Variants in VAV3 observed in about 807,000 individuals in gnomAD.
VAV3 encodes guanine nucleotide exchange factor VAV3.
A neutral mutation model predicts 131.2 loss-of-function variants in VAV3; 94 were observed. That is an observed-to-expected ratio of 0.72 (90% CI 0.61 to 0.85). The LOEUF (loss-of-function observed/expected upper bound fraction) is 0.85. VAV3 is among the 40% of genes least tolerant of loss of function. The probability of loss-of-function intolerance (pLI) is 0.00; values close to 1 mark genes in which losing one functional copy is unlikely to be tolerated. For synonymous variants in VAV3, 349 were observed against 342.0 expected, an observed-to-expected ratio of 1.02 and a Z score of -0.22; for missense variants, 939 against 1,002.7, an observed-to-expected ratio of 0.94 and a Z score of 0.86.
At chr1:107,805,867 G>A (rs191599253) in intron 2 of VAV3, among the ~76,000 whole-genome samples, 1 of 152,112 alleles carries the variant, frequency 6.6e-6, no homozygotes, top group East Asian at 1.9e-4. Flanking sequence ...AGCATTAGAT[G>A]GAACCTTAAA....
chr1:107,744,990 T>C (rs1663246359), intron 15 of VAV3, among the ~76,000 whole-genome samples: 1 of 152,176 alleles, frequency 6.6e-6, no homozygotes, highest in South Asian at 2.1e-4. Flanking sequence ...TTAAATCTCA[T>C]AGAAAAATTC....
chr1:107,742,928 A>C (rs1282606307), intron 15 of VAV3, among the ~76,000 whole-genome samples: 6 of 152,186 alleles, frequency 3.9e-5, no homozygotes, highest in Admixed American at 1.3e-4. Context: ...GATCTCCCTC[A>C]CAAAGTAACA....
At chr1:107,823,622 G>A (rs80350363) in intron 2 of VAV3, among the ~76,000 whole-genome samples, 4,732 of 152,272 alleles carry the variant, frequency 0.031, 178 homozygotes, top group African/African-American at 0.087. Flanking sequence ...GGAAAGTCAC[G>A]AGACTGTCTG....
intron 22 of VAV3, among the ~76,000 whole-genome samples, chr1:107,607,571 C>T (rs780797500): frequency 6.6e-6 from 1 of 152,134 alleles, no homozygotes; most frequent in Non-Finnish European, 1.5e-5. Flanking sequence ...AATATACCTT[C>T]TAACTCCAGT....
chr1:107,635,003 C>G (rs879536425), intron 20 of VAV3, among the ~76,000 whole-genome samples: 8 of 151,690 alleles, frequency 5.3e-5, no homozygotes, highest in South Asian at 4.2e-4. Flanking sequence ...GAAATAGGAA[C>G]ACTTTTACAC....
chr1:107,791,633 T>C (rs867189496), intron 2 of VAV3, among the ~76,000 whole-genome samples: 45 of 152,276 alleles, frequency 3.0e-4, no homozygotes, highest in African/African-American at 1.1e-3. Context: ...ACTCAAATAG[T>C]CTGTGATGGG....
intron 19 of VAV3, chr1:107,668,992 T>A (rs776040656): frequency 1.0e-6 from 1 of 998,572 alleles, no homozygotes; most frequent in African/African-American, 1.7e-5. Context: ...TCAGGATTTC[T>A]AAGGGAGTCA....
chr1:107,836,001 T>C (rs1286790054), intron 2 of VAV3, among the ~76,000 whole-genome samples: 1 of 152,152 alleles, frequency 6.6e-6, no homozygotes, highest in Non-Finnish European at 1.5e-5. Context: ...CCTAAATATA[T>C]ATACACCTAA....
chr1:107,684,420 C>G (rs1035021784), intron 18 of VAV3, among the ~76,000 whole-genome samples: 3 of 152,164 alleles, frequency 2.0e-5, no homozygotes, highest in Non-Finnish European at 4.4e-5. Flanking sequence ...TGGTTTCATT[C>G]AGAGCACACT....
intron 19 of VAV3, among the ~76,000 whole-genome samples, chr1:107,651,589 C>A (rs1388688985): frequency 6.6e-6 from 1 of 151,484 alleles, no homozygotes; most frequent in Non-Finnish European, 1.5e-5. Flanking sequence ...CCAAAGGCCA[C>A]CCTTCCAAAT....
At position 107,964,874 on chromosome 1, in the gene VAV3, G is replaced by C; in HGVS notation, c.-5C>G. On this transcript the variant is annotated 5_prime_UTR_variant, in exon 1 of 27. Transcript: ENST00000370056. ...GCACTGCTTCCACGGCTCCATGCCC[G>C]ACGGCTCCGGGACGCGGCTGGGCCG... 6 of 1,552,294 alleles carry C rather than the reference G, an allele frequency of 3.9e-6. No individual in the cohort carries two copies. Among genetic ancestry groups the C allele is most frequent in the Non-Finnish European group, 5.2e-6 (6 of 1,146,204 alleles).
intron 25 of VAV3, among the ~76,000 whole-genome samples, chr1:107,593,563 G>A (rs1651133788): frequency 6.6e-6 from 1 of 152,018 alleles, no homozygotes; most frequent in African/African-American, 2.4e-5. Flanking sequence ...CTTGGCAAAT[G>A]TTATTTTTAG....
At chr1:107,760,300 G>A (rs12142335) in intron 10 of VAV3, among the ~76,000 whole-genome samples, 35,893 of 151,846 alleles carry the variant, frequency 0.24, 4,607 homozygotes, top group Non-Finnish European at 0.26. Context: ...ATAGCTTTGT[G>A]GGCTATAACA....
At chr1:107,964,607 G>T in intron 1 of VAV3, 59 bp downstream of exon 1, 1 of 1,557,774 alleles carries the variant, frequency 6.4e-7, no homozygotes, top group African/African-American at 1.3e-5. Flanking sequence ...AAAGAAATTA[G>T]CCGCATGATT....
At chr1:107,838,252 T>C (rs1480828545) in intron 2 of VAV3, among the ~76,000 whole-genome samples, 2 of 152,066 alleles carry the variant, frequency 1.3e-5, no homozygotes, top group Non-Finnish European at 2.9e-5. Flanking sequence ...GGAACTTAAA[T>C]AAATCAAGCA....
At chr1:107,961,928 C>T (rs1296259360) in intron 1 of VAV3, among the ~76,000 whole-genome samples, 1 of 152,194 alleles carries the variant, frequency 6.6e-6, no homozygotes, top group Non-Finnish European at 1.5e-5. Context: ...AGGCATCCCA[C>T]TCACTGGAAT....
chr1:107,689,697 C>T (rs538389333), intron 17 of VAV3, among the ~76,000 whole-genome samples: 1 of 152,276 alleles, frequency 6.6e-6, no homozygotes, highest in South Asian at 2.1e-4. Context: ...GCCCTGAAAT[C>T]AACCTTTACA....
In VAV3 at chr1:107,574,054, T is replaced by G. The variant is rs370762482; in HGVS notation, c.2495A>C (p.Asn832Thr). 6.2e-7 allele frequency: 1 copy of G among 1,613,958 alleles called. No homozygotes were observed. Among genetic ancestry groups the G allele is most frequent in the Non-Finnish European group, 8.5e-7 (1 of 1,179,992 alleles). Residue 832 changes from asparagine (N) to threonine (T), a missense_variant, in exon 26 of 27, where the codon AAT becomes ACT. Transcript: ENST00000370056. ...SANGWWRGEV[N>T]GRVGWFPSTY... ...TCGAGAGGGCCAACTTACCCTGCCA[T>G]TTACTTCTCCTCTCCACCAGCCATT...
intron 2 of VAV3, among the ~76,000 whole-genome samples, chr1:107,854,948 C>T (rs889961206): frequency 1.5e-4 from 23 of 152,160 alleles, no homozygotes; most frequent in African/African-American, 5.3e-4. Context: ...ACATAGCGAC[C>T]GAGCATCCAT....
Sources: allele counts gnomAD v4.1 joint callset (sites outside exome capture counted in the v4.1 genomes callset), GRCh38; gene constraint gnomAD v4.1.1; transcripts MANE v1.5; gene names NCBI Gene and HGNC (gene_info 2026-07-23, HGNC 2026-07-21).